PRKCE: variants seen among roughly 807,000 people sequenced by gnomAD.
PRKCE encodes the protein protein kinase C epsilon.
A neutral mutation model predicts 85.4 loss-of-function variants in PRKCE; 16 were observed. The observed-to-expected ratio is 0.19, with a 90% CI of 0.13 to 0.28. The LOEUF (loss-of-function observed/expected upper bound fraction) is 0.28, where lower values mean the gene tolerates loss of function less well. Among genes scored for constraint, PRKCE ranks in the 10% least tolerant of loss-of-function variants. PRKCE has a pLI of 1.00. For missense variants in PRKCE, 573 were observed against 975.2 expected (o/e 0.59, Z 5.49); for synonymous variants, 388 against 371.5 (o/e 1.04, Z -0.51).
At chr2:45,807,187 G>T (rs1447439075) in intron 1 of PRKCE, among the ~76,000 whole-genome samples, 1 of 152,188 alleles carries the variant, frequency 6.6e-6, no homozygotes, top group Non-Finnish European at 1.5e-5. Flanking sequence ...GTAAAATGGG[G>T]ATAATAATCG....
At chr2:45,896,434 A>G (rs950277088) in intron 2 of PRKCE, among the ~76,000 whole-genome samples, 4 of 152,302 alleles carry the variant, frequency 2.6e-5, no homozygotes, top group African/African-American at 9.6e-5. Flanking sequence ...CTCCTTGGAA[A>G]TACTGTTCCC....
At chr2:45,923,123 T>C (rs1301396037) in intron 2 of PRKCE, among the ~76,000 whole-genome samples, 1 of 152,172 alleles carries the variant, frequency 6.6e-6, no homozygotes, top group Admixed American at 6.5e-5. Flanking sequence ...GGCGTGACTG[T>C]GTATCTGCAT....
chr2:45,742,604 A>G (rs564007698), intron 1 of PRKCE, among the ~76,000 whole-genome samples: 3 of 152,336 alleles, frequency 2.0e-5, no homozygotes, highest in Non-Finnish European at 4.4e-5. Flanking sequence ...CAGTATTATC[A>G]AAAAGATAAT....
intron 11 of PRKCE, among the ~76,000 whole-genome samples, chr2:46,122,255 G>A (rs917885057): frequency 6.6e-5 from 10 of 151,886 alleles, no homozygotes; most frequent in African/African-American, 9.7e-5. Flanking sequence ...TTTTTGAGAC[G>A]GAGTCTTGTT....
intron 10 of PRKCE, among the ~76,000 whole-genome samples, chr2:46,072,827 A>G (rs1390631114): frequency 6.6e-6 from 1 of 152,178 alleles, no homozygotes; most frequent in East Asian, 1.9e-4. Flanking sequence ...GAAGACTAAA[A>G]GCCACTGGTC....
chr2:45,790,319 A>C (rs1206996459), intron 1 of PRKCE, among the ~76,000 whole-genome samples: 1 of 152,220 alleles, frequency 6.6e-6, no homozygotes, highest in Non-Finnish European at 1.5e-5. Flanking sequence ...AAAAGATAAT[A>C]TGAAAATGTG....
intron 12 of PRKCE, 78 bp from the exon 13 acceptor site, chr2:46,150,963 C>A: frequency 1.5e-6 from 2 of 1,364,098 alleles, no homozygotes; most frequent in Non-Finnish European, 2.0e-6. Flanking sequence ...TGAAGTCCTT[C>A]CCATGGGCGT....
Position 46,085,749 on chromosome 2 carries a change from GTTTTTGTTTT to G in PRKCE, c.1438-453_1438-444del, listed in dbSNP as rs1669565788. ...TCTGCAAAATCCGTTTTTTTTTTTT[GTTTTTGTTTT>G]TTTTTTTTTTTTTAGCCATATAAGG... On this transcript the variant is annotated intron_variant, in intron 10 of 14. Transcript: ENST00000306156. Among the ~76,000 whole-genome samples the G allele has an allele frequency of 8.6e-4, 16 of 18,664 alleles. 1 individual carries two copies. The highest frequency in any genetic ancestry group is 1.6e-3 in the African/African-American group (14 of 8,712). 12.2% of individuals were successfully genotyped at this position (18,664 alleles called of 152,430 possible).
intron 1 of PRKCE, among the ~76,000 whole-genome samples, chr2:45,721,259 G>C (rs1379359926): frequency 6.6e-6 from 1 of 152,274 alleles, no homozygotes; most frequent in Admixed American, 6.5e-5. Flanking sequence ...CTAGTTAAGA[G>C]GCAGAGCTAG....
intron 1 of PRKCE, among the ~76,000 whole-genome samples, chr2:45,695,319 C>A (rs1285030916): frequency 6.6e-6 from 1 of 152,118 alleles, no homozygotes. Flanking sequence ...CAGAAAAGAA[C>A]CCAGAGTCAG....
chr2:46,124,713 A>G (rs562857756), intron 11 of PRKCE, among the ~76,000 whole-genome samples: 1 of 152,182 alleles, frequency 6.6e-6, no homozygotes, highest in East Asian at 1.9e-4. Context: ...GACAAACTAC[A>G]AACTCTTTGA....
At chr2:45,739,692 G>A (rs1364155367) in intron 1 of PRKCE, among the ~76,000 whole-genome samples, 1 of 152,138 alleles carries the variant, frequency 6.6e-6, no homozygotes, top group Non-Finnish European at 1.5e-5. Flanking sequence ...CCAGGAGTGG[G>A]GTGGGGGTAC....
intron 1 of PRKCE, among the ~76,000 whole-genome samples, chr2:45,814,332 G>A (rs950007435): frequency 6.6e-6 from 1 of 152,166 alleles, no homozygotes; most frequent in African/African-American, 2.4e-5. Flanking sequence ...TGGATGCCCC[G>A]ATACCCTTGC....
At chr2:45,828,050 C>T (rs1281328560) in intron 1 of PRKCE, among the ~76,000 whole-genome samples, 3 of 152,110 alleles carry the variant, frequency 2.0e-5, no homozygotes, top group Non-Finnish European at 4.4e-5. Flanking sequence ...ATGATAGGCA[C>T]TGTATGGTCA....
At chr2:46,152,221 G>A (rs1264085595) in intron 13 of PRKCE, among the ~76,000 whole-genome samples, 1 of 150,712 alleles carries the variant, frequency 6.6e-6, no homozygotes, top group Non-Finnish European at 1.5e-5. Context: ...TCACTGCAAT[G>A]GCCAGGCTGG....
At chr2:45,669,797 T>G (rs978653607) in intron 1 of PRKCE, among the ~76,000 whole-genome samples, 1 of 152,126 alleles carries the variant, frequency 6.6e-6, no homozygotes, top group African/African-American at 2.4e-5. Context: ...TATCACTTGA[T>G]GTCAGGAGTT....
intron 10 of PRKCE, among the ~76,000 whole-genome samples, chr2:46,040,995 G>A (rs375885471): frequency 1.4e-4 from 21 of 152,274 alleles, no homozygotes; most frequent in Middle Eastern, 3.4e-3. Context: ...ATCAGGGCAC[G>A]GTTTATATTT....
At chr2:46,141,432 G>A (rs1341388359) in intron 11 of PRKCE, among the ~76,000 whole-genome samples, 1 of 152,148 alleles carries the variant, frequency 6.6e-6, no homozygotes, top group African/African-American at 2.4e-5. Context: ...TTATTTATAT[G>A]TAAAGTATGA....
At chr2:45,937,746 G>A (rs922476060) in intron 2 of PRKCE, among the ~76,000 whole-genome samples, 1 of 152,088 alleles carries the variant, frequency 6.6e-6, no homozygotes, top group Non-Finnish European at 1.5e-5. Context: ...AAACTTGTAG[G>A]TATATATCAT....
Sources: gnomAD v4.1 joint callset for allele counts (sites outside exome capture counted in the v4.1 genomes callset) on GRCh38, gnomAD v4.1.1 for gene constraint, MANE v1.5 for transcripts, NCBI Gene and HGNC (gene_info 2026-07-23, HGNC 2026-07-21) for gene names.